The following XKR9 variants were observed in gnomAD, a reference collection of about 807,000 sequenced individuals.
The protein encoded by XKR9 is XK related 9.
XKR9 carries 32 observed loss-of-function variants against 32.0 expected under a neutral mutation model. The ratio of observed to expected loss-of-function variants is 1.00; its 90% CI spans 0.76 to 1.34. The LOEUF (loss-of-function observed/expected upper bound fraction) is 1.34. Among genes scored for constraint, XKR9 ranks in the 40% most tolerant of loss-of-function variants. The probability of loss-of-function intolerance (pLI) is 0.00; values close to 1 mark genes in which losing one functional copy is unlikely to be tolerated. For missense variants in XKR9, 546 were observed against 429.7 expected, an observed-to-expected ratio of 1.27 and a Z score of -2.39; for synonymous variants, 168 against 143.4, an observed-to-expected ratio of 1.17 and a Z score of -1.22.
At chr8:70,928,324 C>T in the XKR9 span, among the ~76,000 whole-genome samples, 7 of 152,154 alleles carry the variant, frequency 4.6e-5, 1 homozygote, top group South Asian at 1.0e-3. Flanking sequence ...GGATTACAGG[C>T]GTGAACCACC....
chr8:70,984,223 C>G, the XKR9 span, among the ~76,000 whole-genome samples: 2 of 152,174 alleles, frequency 1.3e-5, no homozygotes, highest in Admixed American at 1.3e-4. Flanking sequence ...CACTGCTATT[C>G]TAATTGTTCA....
At chr8:70,820,032 C>T in the XKR9 span, among the ~76,000 whole-genome samples, 1 of 152,164 alleles carries the variant, frequency 6.6e-6, no homozygotes, top group South Asian at 2.1e-4. Context: ...GAACATGTTA[C>T]TCCAAAATGC....
chr8:71,036,849 A>G, the XKR9 span, among the ~76,000 whole-genome samples: 1 of 148,598 alleles, frequency 6.7e-6, no homozygotes, highest in Admixed American at 6.7e-5. Flanking sequence ...AATTTTCTCC[A>G]GCTGTTGGAT....
chr8:70,785,347 T>G (rs1807670764), intron 2 of XKR9, among the ~76,000 whole-genome samples: 1 of 152,026 alleles, frequency 6.6e-6, no homozygotes, highest in African/African-American at 2.4e-5. Flanking sequence ...TGATATCAGT[T>G]GTAATGTCTC....
At chr8:70,905,395 T>C in the XKR9 span, among the ~76,000 whole-genome samples, 1 of 152,354 alleles carries the variant, frequency 6.6e-6, no homozygotes, top group East Asian at 1.9e-4. Context: ...ATACCCTTCC[T>C]TCCACTTGAT....
the XKR9 span, among the ~76,000 whole-genome samples, chr8:71,015,210 T>C: frequency 1.3e-5 from 2 of 152,328 alleles, no homozygotes; most frequent in South Asian, 4.1e-4. Context: ...AATTTTGAGT[T>C]AGCAGAATTT....
At chr8:70,798,704 C>T in the XKR9 span, among the ~76,000 whole-genome samples, 1 of 152,096 alleles carries the variant, frequency 6.6e-6, no homozygotes, top group Non-Finnish European at 1.5e-5. Flanking sequence ...ATCTACAATC[C>T]TTCTTGAGTT....
chr8:70,889,507 G>T, the XKR9 span, among the ~76,000 whole-genome samples: 1 of 151,782 alleles, frequency 6.6e-6, no homozygotes, highest in Admixed American at 6.6e-5. Context: ...TCATCACCCA[G>T]GTCCTGAGCA....
the XKR9 span, among the ~76,000 whole-genome samples, chr8:70,879,683 A>G: frequency 1.3e-5 from 2 of 152,170 alleles, no homozygotes; most frequent in East Asian, 1.9e-4. Flanking sequence ...ACCAACCAAA[A>G]AAAAAGCGCA....
rs536413851 is a variant in XKR9 at position 70,754,644 on chromosome 8, C to G, written n.353-34695C>G. 1.3e-4 allele frequency among the ~76,000 whole-genome samples: 19 copies of G among 151,458 alleles called. No individual in the cohort carries two copies. In the South Asian group the frequency reaches 3.2e-3, roughly 25 times the overall value. On this transcript the variant is annotated intron_variant and non_coding_transcript_variant, in intron 2 of 3. Coordinates refer to the XKR9 transcript ENST00000520273. Reference sequence around the variant, plus strand: ...ACTATCTGATCTTTGACAAACCTGACAAAAACAAGCAATGGGGAAAGGATT... The same window carrying G: ...ACTATCTGATCTTTGACAAACCTGAGAAAAACAAGCAATGGGGAAAGGATT...
chr8:70,829,799 CGA>C, the XKR9 span, among the ~76,000 whole-genome samples: 1 of 152,212 alleles, frequency 6.6e-6, no homozygotes, highest in Admixed American at 6.5e-5. Context: ...AAAGAAACTA[CGA>C]AATTTCCTAT....
At chr8:70,814,214 G>T in the XKR9 span, among the ~76,000 whole-genome samples, 4 of 151,964 alleles carry the variant, frequency 2.6e-5, no homozygotes, top group East Asian at 1.9e-4. Flanking sequence ...AACACCGCAT[G>T]TTGTCACTCA....
chr8:70,778,846 G>C (rs899942089), intron 2 of XKR9, among the ~76,000 whole-genome samples: 3 of 152,204 alleles, frequency 2.0e-5, no homozygotes, highest in Admixed American at 2.0e-4. Context: ...AGGAGATTTT[G>C]GGCTGAGACG....
chr8:70,952,526 A>C, the XKR9 span, among the ~76,000 whole-genome samples: 3 of 152,176 alleles, frequency 2.0e-5, no homozygotes, highest in Non-Finnish European at 4.4e-5. Context: ...TTTCTTGTGC[A>C]AGGTTTTCTT....
chr8:70,675,312 G>C (rs1818847792), intron 2 of XKR9, among the ~76,000 whole-genome samples: 1 of 152,158 alleles, frequency 6.6e-6, no homozygotes, highest in Admixed American at 6.5e-5. Context: ...TGTAGTCCCA[G>C]CTACTTGGAG....
the XKR9 span, among the ~76,000 whole-genome samples, chr8:71,023,046 C>T: frequency 6.6e-6 from 1 of 151,900 alleles, no homozygotes; most frequent in Non-Finnish European, 1.5e-5. Context: ...CCTTATATCT[C>T]ATTGTGCTTT....
chr8:71,046,568 T>C, the XKR9 span, among the ~76,000 whole-genome samples: 88 of 152,302 alleles, frequency 5.8e-4, no homozygotes, highest in Middle Eastern at 3.4e-3. Context: ...TTGAGGCTCA[T>C]AGGAGTCAAA....
At chr8:71,057,161 G>A in the XKR9 span, among the ~76,000 whole-genome samples, 2 of 152,148 alleles carry the variant, frequency 1.3e-5, no homozygotes, top group African/African-American at 4.8e-5. Context: ...GGCTGGTATT[G>A]TGGGAAAACT....
the XKR9 span, among the ~76,000 whole-genome samples, chr8:70,890,230 T>C: frequency 6.6e-6 from 1 of 151,888 alleles, no homozygotes; most frequent in Non-Finnish European, 1.5e-5. Flanking sequence ...GTTTTCTATA[T>C]ATAAGATCAT....
Sources: allele counts gnomAD v4.1 joint callset (sites outside exome capture counted in the v4.1 genomes callset), GRCh38; gene constraint gnomAD v4.1.1; transcripts MANE v1.5; gene names NCBI Gene and HGNC (gene_info 2026-07-23, HGNC 2026-07-21).